TMEM131: variants seen among roughly 807,000 people sequenced by gnomAD.
The protein encoded by TMEM131 is 2610524E03Rik.
TMEM131 carries 66 observed loss-of-function variants against 211.6 expected under a neutral mutation model. That is an observed-to-expected ratio of 0.31 (90% confidence interval 0.26 to 0.38). TMEM131 has a LOEUF of 0.38. Among genes scored for constraint, TMEM131 ranks in the 10% least tolerant of loss-of-function variants. The probability of loss-of-function intolerance (pLI) is 1.00; values close to 1 mark genes in which losing one functional copy is unlikely to be tolerated. For missense variants in TMEM131, 2,036 were observed against 2,299.3 expected (o/e 0.89, Z 2.34); for synonymous variants, 844 against 841.3 (o/e 1.00, Z -0.06).
rs564881068 is a variant in TMEM131, at chr2:97,869,521, T to C, written c.360-10094A>G. On this transcript the variant is annotated intron_variant, in intron 4 of 40. Coordinates refer to ENST00000186436, the MANE Select transcript of TMEM131 (RefSeq NM_015348.2). ...TCTACTTATGTTGTTCAAAGTAGCT[T>C]GGAGTAACAAGAACAGAGGGAAGCT... 7.2e-5 allele frequency among the ~76,000 whole-genome samples: 11 copies of C among 152,304 alleles called. No homozygotes were observed. In the East Asian group the frequency reaches 2.1e-3, roughly 29 times the overall value.
chr2:97,956,302 G>A (rs1678564317), intron 1 of TMEM131, among the ~76,000 whole-genome samples: 1 of 152,118 alleles, frequency 6.6e-6, no homozygotes, highest in East Asian at 1.9e-4. Context: ...ACATCCACAA[G>A]CCAAAAAGTG....
intron 11 of TMEM131, among the ~76,000 whole-genome samples, chr2:97,831,612 G>C (rs1236261793): frequency 6.8e-6 from 1 of 147,480 alleles, no homozygotes; most frequent in Non-Finnish European, 1.5e-5. Context: ...TATTCATAAA[G>C]ATGTGATTGC....
rs1454501518 is a variant in TMEM131, at chr2:97,796,967, C to T, written c.2890G>A (p.Asp964Asn). ...IIVRNNLTVMDAVMVQGQGTT... is the reference protein window; with the variant it reads ...IIVRNNLTVMNAVMVQGQGTT... ...CCTTGTCCTTGGACCATCACAGCAT[C>T]CATCACAGTCAGGTTATTTCTATGC... Residue 964 changes from aspartate to asparagine, a missense_variant, in exon 27 of 41, where the codon GAT becomes AAT. Asp to Asn is a conservative substitution (Grantham distance 23). Coordinates refer to ENST00000186436, the MANE Select transcript of TMEM131 (RefSeq NM_015348.2). The T allele has an allele frequency of 2.5e-6, 4 of 1,613,412 alleles. No homozygotes were observed. In the Admixed American group the frequency reaches 6.7e-5, roughly 27 times the overall value.
At chr2:97,773,335 C>T (rs539037339) in intron 32 of TMEM131, among the ~76,000 whole-genome samples, 2 of 152,310 alleles carry the variant, frequency 1.3e-5, no homozygotes, top group East Asian at 3.9e-4. Context: ...CCAGTTTCTC[C>T]TCCTAAGGAT....
At chr2:97,862,590 T>C (rs565934144) in intron 4 of TMEM131, among the ~76,000 whole-genome samples, 3 of 152,114 alleles carry the variant, frequency 2.0e-5, no homozygotes, top group Admixed American at 6.5e-5. Flanking sequence ...GCAACTGACA[T>C]ACTGAAGACT....
chr2:97,818,548 T>C (rs1235827577), intron 12 of TMEM131, 65 bp downstream of exon 12: 1 of 1,084,400 alleles, frequency 9.2e-7, no homozygotes, highest in East Asian at 2.6e-5. Context: ...AAGACGTTAA[T>C]ACAGATGCTT....
intron 31 of TMEM131, among the ~76,000 whole-genome samples, chr2:97,776,360 T>C (rs927316403): frequency 6.6e-6 from 1 of 152,196 alleles, no homozygotes; most frequent in African/African-American, 2.4e-5. Flanking sequence ...TGGCCAGAAC[T>C]CCTGATTTTT....
chr2:97,810,991 C>T, intron 18 of TMEM131, 137 bp downstream of exon 18: 5 of 676,242 alleles, frequency 7.4e-6, no homozygotes, highest in South Asian at 3.7e-5. Context: ...AAACTATTCT[C>T]GAAAGCTCAG....
In TMEM131 at chr2:97,757,144, T is replaced by G. The variant is rs200654295; in HGVS notation, c.5607A>C (p.Arg1869Ser). 428 of 1,613,066 alleles carry G rather than the reference T, an allele frequency of 2.7e-4. No individual in the cohort carries two copies. Among genetic ancestry groups the G allele is most frequent in the Non-Finnish European group, 3.1e-4 (361 of 1,179,246 alleles). Reference protein sequence around the residue: ...WRIWSPTIGRRSSDPWSNSHF... With the variant: ...WRIWSPTIGRSSSDPWSNSHF... ...GCGAATTAGACCAAGGGTCCGAGCT[T>G]CTTCTTCCAATCGTGGGGCTCCATA... Residue 1869 changes from arginine to serine, a missense_variant, in exon 41 of 41, where the codon AGA becomes AGC. Arg to Ser is a moderately radical substitution (Grantham distance 110, BLOSUM62 -1). This residue lies in a region of TMEM131 where 1,623 missense variants were observed against 1,805.9 expected (regional missense o/e 0.90). Coordinates refer to ENST00000186436, the MANE Select transcript of TMEM131 (RefSeq NM_015348.2).
chr2:97,943,338 A>G (rs1029081098), intron 1 of TMEM131, among the ~76,000 whole-genome samples: 3 of 152,218 alleles, frequency 2.0e-5, no homozygotes, highest in Non-Finnish European at 4.4e-5. Context: ...CCTGATACAT[A>G]AATCAGACAC....
intron 31 of TMEM131, among the ~76,000 whole-genome samples, chr2:97,776,890 G>A (rs553996003): frequency 1.5e-4 from 23 of 152,316 alleles, no homozygotes; most frequent in African/African-American, 5.5e-4. Flanking sequence ...ACACAGGGCT[G>A]TACTGAGGAA....
chr2:97,764,727 G>C (rs1679069615), intron 35 of TMEM131: 1 of 152,422 alleles, frequency 6.6e-6, no homozygotes, highest in African/African-American at 2.4e-5. Flanking sequence ...GCCCCGAGGA[G>C]TGGCACCAAA....
Position 97,757,120 on chromosome 2 carries a change from C to A in TMEM131, c.5631G>T (p.Ser1877=), listed in dbSNP as rs184894242. 7.5e-6 allele frequency: 12 copies of A among 1,601,700 alleles called. No individual in the cohort carries two copies. The highest frequency in any genetic ancestry group is 1.0e-5 in the Non-Finnish European group (12 of 1,171,956). The part of the protein sequence containing the change: ...GRRSSDPWSN[S]HFPHEN ...TAATTTAATTCTCGTGAGGAAAGTGCGAATTAGACCAAGGGTCCGAGCTTC... is the reference window on the plus strand; with the variant it reads ...TAATTTAATTCTCGTGAGGAAAGTGAGAATTAGACCAAGGGTCCGAGCTTC... Residue 1877 remains serine (S), a synonymous_variant, in exon 41 of 41, where the codon TCG becomes TCT. Coordinates refer to ENST00000186436, the MANE Select transcript of TMEM131 (RefSeq NM_015348.2).
At chr2:97,988,334 T>G (rs181389865) in intron 1 of TMEM131, among the ~76,000 whole-genome samples, 1 of 152,104 alleles carries the variant, frequency 6.6e-6, no homozygotes, top group Non-Finnish European at 1.5e-5. Context: ...GACCGAAACA[T>G]AAGACCCAAA....
At chr2:97,778,217 G>C (rs1201793096) in intron 31 of TMEM131, among the ~76,000 whole-genome samples, 1 of 152,182 alleles carries the variant, frequency 6.6e-6, no homozygotes, top group Admixed American at 6.5e-5. Context: ...GAAGCTATGA[G>C]TAGACAAAAA....
rs1275223620 is a variant in TMEM131 at position 97,809,749 on chromosome 2, A to C, written c.1994T>G (p.Val665Gly). 2 of 1,606,740 alleles carry C rather than the reference A, an allele frequency of 1.2e-6. No individual in the cohort carries two copies. Among genetic ancestry groups the C allele is most frequent in the Non-Finnish European group, 1.7e-6 (2 of 1,176,586 alleles). ...GCAGGTCAGTGAGCCTACTGCAATCACAGCCTTCACAGGGATTGTCAGGAT... is the reference window on the plus strand; with the variant it reads ...GCAGGTCAGTGAGCCTACTGCAATCCCAGCCTTCACAGGGATTGTCAGGAT... ...YEILTIPVKA[V>G]IAVGSLTCFP... is the part of the protein sequence containing the mutation. Residue 665 changes from valine (V) to glycine (G), a missense_variant, in exon 19 of 41, where the codon GTG (valine) becomes GGG (glycine). Val to Gly is a moderately radical substitution (Grantham distance 109). Transcript: ENST00000186436.
intron 33 of TMEM131, among the ~76,000 whole-genome samples, chr2:97,771,707 C>G (rs965662024): frequency 1.3e-5 from 2 of 152,228 alleles, no homozygotes; most frequent in African/African-American, 2.4e-5. Flanking sequence ...AATAACCCAA[C>G]AGTTCAACTC....
intron 2 of TMEM131, among the ~76,000 whole-genome samples, chr2:97,916,427 G>C (rs1676511022): frequency 6.6e-6 from 1 of 152,254 alleles, no homozygotes; most frequent in African/African-American, 2.4e-5. Flanking sequence ...CTTGGGGAAA[G>C]TCTGTAAAAG....
chr2:97,792,994 G>C lies in TMEM131; in HGVS notation c.3546-10C>G. The C allele has an allele frequency of 6.6e-7, 1 of 1,515,470 alleles. No homozygotes were observed. The highest frequency in any genetic ancestry group is 8.8e-7 in the Non-Finnish European group (1 of 1,133,972). The allele number at this position is 1,515,470 out of a possible 1,614,324, so 93.9% of individuals were successfully genotyped here. A position where few individuals can be genotyped will look rare whatever the true frequency, so the allele number is the denominator to read the frequency against. On this transcript the variant is annotated splice_polypyrimidine_tract_variant and intron_variant, in intron 30 of 40. Transcript: ENST00000186436. ...GCTGAGTGTGTTCAAGCTGAAAAAG[G>C]GACCAACTGCAGATCAGTAAATAGC...
Sources: allele counts gnomAD v4.1 joint callset (sites outside exome capture counted in the v4.1 genomes callset), GRCh38; gene constraint gnomAD v4.1.1; regional missense constraint gnomAD v4.1.1; transcripts MANE v1.5; gene names NCBI Gene and HGNC (gene_info 2026-07-23, HGNC 2026-07-21).